The following CNTNAP4 variants were observed in gnomAD, a reference collection of about 807,000 sequenced individuals.
The protein encoded by CNTNAP4 is contactin associated protein family member 4, also known as contactin-associated protein-like 4.
Under a neutral mutation model 148.4 loss-of-function variants are expected in CNTNAP4, and 98 were observed. That is an observed-to-expected ratio of 0.66 (90% confidence interval 0.56 to 0.78). CNTNAP4 has a LOEUF of 0.78. Among genes scored for constraint, CNTNAP4 ranks in the 30% least tolerant of loss-of-function variants. The pLI is 0.00. For missense variants in CNTNAP4, 1,935 were observed against 1,565.6 expected (o/e 1.24, Z -3.98); for synonymous variants, 730 against 565.1 (o/e 1.29, Z -4.14).
In CNTNAP4 at chr16:76,420,308, TTGC is replaced by T. The variant is rs901288542; in HGVS notation, c.391-7139_391-7137del. Among the ~76,000 whole-genome samples the T allele has an allele frequency of 8.3e-5, 6 of 72,304 alleles. No homozygotes were observed. In the South Asian group the frequency reaches 1.1e-3, roughly 13 times the overall value. 47.4% of individuals were successfully genotyped at this position (72,304 alleles called of 152,430 possible). The stretch of plus-strand genomic sequence containing the variant: ...ATTAATTTCCCTTTAAGAACAGTTT[TTGC>T]TGCTATTTTATTATTTTTTATTGTA... On this transcript the variant is annotated intron_variant, in intron 3 of 23. Coordinates refer to ENST00000611870, the MANE Select transcript of CNTNAP4 (RefSeq NM_033401.5).
At chr16:76,388,514 A>G (rs201421546) in intron 3 of CNTNAP4, among the ~76,000 whole-genome samples, 2 of 152,354 alleles carry the variant, frequency 1.3e-5, no homozygotes, top group East Asian at 1.9e-4. Context: ...TCTTTAATGT[A>G]TCAGTCAATT....
At chr16:76,530,531 C>T (rs2083931522) in intron 17 of CNTNAP4, among the ~76,000 whole-genome samples, 1 of 152,228 alleles carries the variant, frequency 6.6e-6, no homozygotes, top group Admixed American at 6.5e-5. Context: ...TAAAATAGGC[C>T]TTAGCATGGT....
intron 1 of CNTNAP4, among the ~76,000 whole-genome samples, chr16:76,280,795 C>T (rs1958657901): frequency 6.6e-6 from 1 of 152,052 alleles, no homozygotes; most frequent in Admixed American, 6.6e-5. Context: ...AGAACAGAGA[C>T]ATTTCTCTAT....
At chr16:76,382,030 T>C (rs899679530) in intron 3 of CNTNAP4, among the ~76,000 whole-genome samples, 2 of 120,752 alleles carry the variant, frequency 1.7e-5, no homozygotes, top group Non-Finnish European at 3.1e-5. Flanking sequence ...CACTGCGCTC[T>C]AGCCTGGGGG....
intron 23 of CNTNAP4, among the ~76,000 whole-genome samples, chr16:76,556,147 T>C (rs2085189071): frequency 6.6e-6 from 1 of 152,056 alleles, no homozygotes; most frequent in African/African-American, 2.4e-5. Context: ...GCAAAATGAA[T>C]GGTATAAGAT....
At chr16:76,498,875 A>G (rs1173220267) in intron 15 of CNTNAP4, among the ~76,000 whole-genome samples, 181 bp downstream of exon 15, 1 of 152,186 alleles carries the variant, frequency 6.6e-6, no homozygotes, top group African/African-American at 2.4e-5. Flanking sequence ...GACAGAAAGT[A>G]GAATGGTGGT....
chr16:76,519,304 A>G (rs4270198), intron 15 of CNTNAP4, among the ~76,000 whole-genome samples: 97,359 of 152,002 alleles, frequency 0.64, 31,783 homozygotes, highest in African/African-American at 0.78. Context: ...TGCTTTAAAG[A>G]CATTCATGTA....
At chr16:76,398,715 C>G (rs1230367312) in intron 3 of CNTNAP4, among the ~76,000 whole-genome samples, 1 of 152,146 alleles carries the variant, frequency 6.6e-6, no homozygotes, top group Non-Finnish European at 1.5e-5. Context: ...TGTGCCAACA[C>G]ATGATACTAT....
chr16:76,444,043 C>T (rs2080145307), intron 4 of CNTNAP4, among the ~76,000 whole-genome samples: 1 of 152,042 alleles, frequency 6.6e-6, no homozygotes, highest in Non-Finnish European at 1.5e-5. Flanking sequence ...GTATTTGATT[C>T]ATTAATGAAG....
At chr16:76,348,034 GC>G (rs1225354121) in intron 2 of CNTNAP4, among the ~76,000 whole-genome samples, 2 of 152,110 alleles carry the variant, frequency 1.3e-5, no homozygotes, top group African/African-American at 2.4e-5. Flanking sequence ...GGTGACTGTT[GC>G]AAGAATCCAG....
At chr16:76,482,417 G>A (rs1411546386) in intron 12 of CNTNAP4, among the ~76,000 whole-genome samples, 1 of 145,644 alleles carries the variant, frequency 6.9e-6, no homozygotes, top group African/African-American at 2.5e-5. Flanking sequence ...AAGATCATAA[G>A]CTCTGTTTTA....
Position 76,403,089 on chromosome 16 carries a change from G to GTTT in CNTNAP4, c.391-24361_391-24359dup, listed in dbSNP as rs1194979868. Among the ~76,000 whole-genome samples, 289 of 148,562 alleles carry GTTT rather than the reference G, an allele frequency of 1.9e-3. 3 individuals are homozygous for GTTT. Among genetic ancestry groups the GTTT allele is most frequent in the African/African-American group, 7.3e-3 (283 of 38,520 alleles). On this transcript the variant is annotated intron_variant, in intron 3 of 23. Transcript: ENST00000611870. ...ACATGAACACTGTTGTTGTTGTTGG[G>GTTT]TTTTATTTTTTTTTTTTTTTTGAGA...
intron 2 of CNTNAP4, among the ~76,000 whole-genome samples, chr16:76,320,763 T>A (rs1962319946): frequency 6.6e-6 from 1 of 152,182 alleles, no homozygotes; most frequent in South Asian, 2.1e-4. Flanking sequence ...AAACCACATC[T>A]TTTATAGTGT....
chr16:76,548,409 T>C (rs12927455), intron 21 of CNTNAP4, among the ~76,000 whole-genome samples: 1 of 151,110 alleles, frequency 6.6e-6, no homozygotes, highest in Admixed American at 6.6e-5. Context: ...TACTTCGTTT[T>C]CTGAGTTTTT....
In CNTNAP4 at chr16:76,390,004, C is replaced by T. The variant is rs77027761; in HGVS notation, c.390+34493C>T. 3.2e-3 allele frequency among the ~76,000 whole-genome samples: 485 copies of T among 152,230 alleles called. 3 individuals are homozygous for T. Among genetic ancestry groups the T allele is most frequent in the Middle Eastern group, 6.8e-3 (2 of 294 alleles). ...AAGGGAAAGTAGTTAATAAGGTTTG[C>T]AATTTGAGCAACTGGAGCTTAGCCC... On this transcript the variant is annotated intron_variant, in intron 3 of 23. Transcript: ENST00000611870.
At chr16:76,517,279 C>T (rs904521419) in intron 15 of CNTNAP4, among the ~76,000 whole-genome samples, 1 of 152,108 alleles carries the variant, frequency 6.6e-6, no homozygotes, top group Non-Finnish European at 1.5e-5. Flanking sequence ...TAGAAATGTT[C>T]TGCCTCTTAG....
chr16:76,475,903 A>AT (rs1044272908), intron 10 of CNTNAP4, 36 bp from the exon 11 acceptor site: 1 of 1,476,548 alleles, frequency 6.8e-7, no homozygotes, highest in African/African-American at 1.4e-5. Flanking sequence ...ATATCTAAAA[A>AT]TGGAAACTGG....
intron 2 of CNTNAP4, among the ~76,000 whole-genome samples, chr16:76,336,590 C>T (rs1964047744): frequency 6.6e-6 from 1 of 152,120 alleles, no homozygotes; most frequent in Admixed American, 6.5e-5. Flanking sequence ...AACCAGGTTG[C>T]CAGGACTTCA....
chr16:76,523,373 G>A (rs1487954575), intron 17 of CNTNAP4, among the ~76,000 whole-genome samples: 1 of 151,462 alleles, frequency 6.6e-6, no homozygotes, highest in Non-Finnish European at 1.5e-5. Flanking sequence ...CCCTCATTTT[G>A]CCCATTTTTT....
Sources: allele counts gnomAD v4.1 joint callset (sites outside exome capture counted in the v4.1 genomes callset), GRCh38; gene constraint gnomAD v4.1.1; transcripts MANE v1.5; gene names NCBI Gene and HGNC (gene_info 2026-07-23, HGNC 2026-07-21).